Variants in SDHC observed in about 807,000 individuals in gnomAD.
SDHC encodes succinate dehydrogenase cytochrome b560 subunit, mitochondrial.
SDHC carries 11 observed loss-of-function variants against 22.6 expected under a neutral mutation model. The observed-to-expected ratio is 0.49, with a 90% CI of 0.31 to 0.81. SDHC has a LOEUF of 0.81. Ranked by LOEUF, SDHC falls within the 30% of genes least tolerant of loss-of-function variation. The probability of loss-of-function intolerance (pLI) is 0.05; values close to 1 mark genes in which losing one functional copy is unlikely to be tolerated. For missense variants in SDHC, 160 were observed against 212.0 expected, an observed-to-expected ratio of 0.75 and a Z score of 1.52; for synonymous variants, 80 against 77.8, an observed-to-expected ratio of 1.03 and a Z score of -0.15.
intron 4 of SDHC, among the ~76,000 whole-genome samples, chr1:161,343,332 T>A (rs1265257276): frequency 1.3e-5 from 2 of 152,210 alleles, no homozygotes; most frequent in East Asian, 3.8e-4. Flanking sequence ...TATCTGAATC[T>A]AAGCCTCTGC....
chr1:161,317,002 CT>C (rs201891189), intron 1 of SDHC, among the ~76,000 whole-genome samples: 4 of 143,892 alleles, frequency 2.8e-5, no homozygotes, highest in East Asian at 2.0e-4. Flanking sequence ...TTGGGGGTCT[CT>C]TTTTTTTTGG....
chr1:161,357,575 A>G (rs191770014), intron 5 of SDHC, among the ~76,000 whole-genome samples: 180 of 151,204 alleles, frequency 1.2e-3, no homozygotes, highest in Non-Finnish European at 2.3e-3. Flanking sequence ...AATTTTTTGT[A>G]TTTTTAGTAG....
chr1:161,347,502 A>G (rs1309193879), intron 4 of SDHC, among the ~76,000 whole-genome samples: 2 of 150,788 alleles, frequency 1.3e-5, no homozygotes, highest in African/African-American at 2.4e-5. Flanking sequence ...TGATCCACCT[A>G]CCTCGGCCTC....
chr1:161,353,304 T>A (rs74127656), intron 4 of SDHC, among the ~76,000 whole-genome samples: 5,402 of 152,256 alleles, frequency 0.035, 195 homozygotes, highest in East Asian at 0.17. Context: ...GTTGTCCTAT[T>A]TGATGCATAG....
At position 161,359,218 on chromosome 1, in the gene SDHC, A is replaced by T. The variant is rs116264156; in HGVS notation, c.405+2378A>T. Among the ~76,000 whole-genome samples, 910 of 152,280 alleles carry T rather than the reference A, an allele frequency of 6.0e-3. 14 individuals are homozygous for T. The highest frequency in any genetic ancestry group is 0.021 in the African/African-American group (853 of 41,544). On this transcript the variant is annotated intron_variant, in intron 5 of 5. Coordinates refer to ENST00000367975, the MANE Select transcript of SDHC (RefSeq NM_003001.5). Reference sequence around the variant, plus strand: ...CTTCTGAATCTGAGTCAACTGTCAGATGGATGCTTTTGCCTTAATTTGACT... The same window carrying T: ...CTTCTGAATCTGAGTCAACTGTCAGTTGGATGCTTTTGCCTTAATTTGACT...
At chr1:161,326,133 C>T (rs751943554) in intron 2 of SDHC, among the ~76,000 whole-genome samples, 2 of 151,312 alleles carry the variant, frequency 1.3e-5, no homozygotes, top group Admixed American at 6.6e-5. Flanking sequence ...ATCCAGGAGG[C>T]GGAGGTTGCA....
Position 161,327,961 on chromosome 1 carries a change from A to G in SDHC, c.78-435A>G, listed in dbSNP as rs138142669. On this transcript the variant is annotated intron_variant, in intron 2 of 5. Transcript: ENST00000367975. ...AAAATAGTGTCACTCTGGCTCTCCT[A>G]GGCTCCTGCTTCCCTAACAAAACCT... 6.9e-3 allele frequency among the ~76,000 whole-genome samples: 1,039 copies of G among 151,368 alleles called. 10 individuals carry two copies. The highest frequency in any genetic ancestry group is 0.011 in the Non-Finnish European group (766 of 67,892).
At chr1:161,345,379 C>T (rs919597463) in intron 4 of SDHC, among the ~76,000 whole-genome samples, 2 of 152,198 alleles carry the variant, frequency 1.3e-5, no homozygotes, top group African/African-American at 2.4e-5. Context: ...ATCTGTTTTA[C>T]AGTACTCTAT....
chr1:161,329,240 C>T (rs60213621), intron 3 of SDHC, among the ~76,000 whole-genome samples: 1,925 of 152,150 alleles, frequency 0.013, 42 homozygotes, highest in African/African-American at 0.042. Context: ...TGCTAATAAG[C>T]AGATTCCCAG....
At chr1:161,352,308 C>G (rs999583588) in intron 4 of SDHC, among the ~76,000 whole-genome samples, 8 of 152,228 alleles carry the variant, frequency 5.3e-5, no homozygotes, top group Non-Finnish European at 8.8e-5. Context: ...AGAGGTAGAG[C>G]CTTTTTTGAA....
intron 3 of SDHC, among the ~76,000 whole-genome samples, chr1:161,333,401 C>CTTT (rs71581410): frequency 3.1e-5 from 4 of 130,402 alleles, no homozygotes; most frequent in South Asian, 2.4e-4. Flanking sequence ...CTATGTTTAA[C>CTTT]TTTTTTTTTT....
chr1:161,355,984 CAAAAAAA>C lies in SDHC; in HGVS notation c.242-679_242-673del, dbSNP rs60684612. ...TGGGCAACAGAGCGAGACTCTGTCT[CAAAAAAA>C]AAAAAAAAAAAAAGAGAACCTAATT... On this transcript the variant is annotated intron_variant, in intron 4 of 5. Transcript: ENST00000367975. Among the ~76,000 whole-genome samples the C allele has an allele frequency of 7.9e-5, 7 of 88,352 alleles. No individual in the cohort carries two copies. In the East Asian group the frequency reaches 2.6e-3, roughly 33 times the overall value. 58.0% of individuals were successfully genotyped at this position (88,352 alleles called of 152,430 possible). A position where few individuals can be genotyped will look rare whatever the true frequency, so the allele number is the denominator to read the frequency against.
chr1:161,352,154 G>A (rs574836797), intron 4 of SDHC, among the ~76,000 whole-genome samples: 13 of 152,336 alleles, frequency 8.5e-5, no homozygotes, highest in Middle Eastern at 3.4e-3. Context: ...AGTGGGGTCA[G>A]TTTCCTGATG....
intron 1 of SDHC, among the ~76,000 whole-genome samples, chr1:161,320,616 G>A: frequency 6.6e-6 from 1 of 152,138 alleles, no homozygotes; most frequent in East Asian, 1.9e-4. Context: ...AGAATGTGAT[G>A]CAAATTCTAA....
At chr1:161,318,552 A>G (rs1241035537) in intron 1 of SDHC, among the ~76,000 whole-genome samples, 1 of 152,210 alleles carries the variant, frequency 6.6e-6, no homozygotes, top group Non-Finnish European at 1.5e-5. Context: ...AGTCACCAAG[A>G]GTCATTAACT....
At chr1:161,355,956 G>C (rs778432162) in intron 4 of SDHC, among the ~76,000 whole-genome samples, 1 of 143,410 alleles carries the variant, frequency 7.0e-6, no homozygotes, top group South Asian at 2.2e-4. Flanking sequence ...CTGCACTCTA[G>C]CCTGGGCAAC....
At chr1:161,353,933 AC>A (rs1672178060) in intron 4 of SDHC, among the ~76,000 whole-genome samples, 4 of 152,034 alleles carry the variant, frequency 2.6e-5, no homozygotes. Flanking sequence ...ACAAGATCTC[AC>A]TCTGTTACCT....
At chr1:161,333,098 C>T (rs753160233) in intron 3 of SDHC, among the ~76,000 whole-genome samples, 2 of 152,208 alleles carry the variant, frequency 1.3e-5, no homozygotes, top group Non-Finnish European at 2.9e-5. Context: ...AATATGTGGT[C>T]CTTTGTGACT....
At chr1:161,327,672 C>T (rs1211406714) in intron 2 of SDHC, among the ~76,000 whole-genome samples, 1 of 151,978 alleles carries the variant, frequency 6.6e-6, no homozygotes, top group Non-Finnish European at 1.5e-5. Flanking sequence ...AGTGATTCTC[C>T]TGCCTCACCC....
Sources: allele counts gnomAD v4.1 joint callset (sites outside exome capture counted in the v4.1 genomes callset), GRCh38; gene constraint gnomAD v4.1.1; transcripts MANE v1.5; gene names NCBI Gene and HGNC (gene_info 2026-07-23, HGNC 2026-07-21).